Variants in NTN4 observed in about 807,000 individuals in gnomAD.
NTN4 encodes the protein netrin-4.
In NTN4, 32 loss-of-function variants were observed where a neutral mutation model predicts 73.6. That is an observed-to-expected ratio of 0.44 (90% CI 0.33 to 0.58). The LOEUF is 0.58. Among genes scored for constraint, NTN4 ranks in the 20% least tolerant of loss-of-function variants. The pLI is 0.04. For synonymous variants in NTN4, 258 were observed against 287.5 expected (o/e 0.90, Z 1.04); for missense variants, 654 against 798.3 (o/e 0.82, Z 2.18).
intron 2 of NTN4, among the ~76,000 whole-genome samples, chr12:95,773,655 C>T (rs996607373): frequency 1.2e-4 from 19 of 152,126 alleles, no homozygotes; most frequent in Admixed American, 4.6e-4. Context: ...CTTATTCGAA[C>T]GTCTCAATGA....
intron 3 of NTN4, among the ~76,000 whole-genome samples, chr12:95,735,905 TTTTATTTATTTATTTA>T (rs201591613): frequency 2.2e-4 from 22 of 101,660 alleles, no homozygotes; most frequent in East Asian, 6.4e-4. Context: ...TTTTTTAAAT[TTTTATTTATTTATTTA>T]TTTATTTATT....
At chr12:95,760,226 C>G (rs2078977126) in intron 2 of NTN4, among the ~76,000 whole-genome samples, 1 of 152,122 alleles carries the variant, frequency 6.6e-6, no homozygotes, top group South Asian at 2.1e-4. Context: ...AGGGCTCTAC[C>G]AGATGCCTGT....
At chr12:95,764,402 C>T (rs1049630503) in intron 2 of NTN4, among the ~76,000 whole-genome samples, 8 of 152,222 alleles carry the variant, frequency 5.3e-5, no homozygotes, top group East Asian at 3.9e-4. Flanking sequence ...CAGTGGCTCA[C>T]GCCTGTAATC....
chr12:95,786,579 G>A (rs909092809), intron 2 of NTN4, among the ~76,000 whole-genome samples: 1 of 151,756 alleles, frequency 6.6e-6, no homozygotes, highest in African/African-American at 2.4e-5. Flanking sequence ...GAAGATACCC[G>A]TGTGGGCTCC....
At chr12:95,788,211 G>A (rs2121311612) in intron 1 of NTN4, among the ~76,000 whole-genome samples, 1 of 152,280 alleles carries the variant, frequency 6.6e-6, no homozygotes, top group African/African-American at 2.4e-5. Flanking sequence ...TTTACATGCT[G>A]TCTCTTCAGG....
At chr12:95,662,184 TC>T (rs2078142929) in intron 9 of NTN4, among the ~76,000 whole-genome samples, 2 of 148,454 alleles carry the variant, frequency 1.3e-5, no homozygotes, top group African/African-American at 2.5e-5. Flanking sequence ...CCTAAACGTC[TC>T]CCCTCCCCTC....
At chr12:95,782,862 T>G (rs1238075700) in intron 2 of NTN4, among the ~76,000 whole-genome samples, 1 of 152,222 alleles carries the variant, frequency 6.6e-6, no homozygotes, top group African/African-American at 2.4e-5. Context: ...GAGTTACTTT[T>G]GGGCCACACT....
At position 95,690,908 on chromosome 12, in the gene NTN4, T is replaced by C. The variant is rs190473247; in HGVS notation, c.1181-7197A>G. 2.6e-5 allele frequency among the ~76,000 whole-genome samples: 4 copies of C among 152,360 alleles called. No individual in the cohort carries two copies. In the East Asian group the frequency reaches 7.7e-4, roughly 29 times the overall value. ...TCAAGCATTTCCAGGAGTTGACCTC[T>C]CCCTTCTACCATATATTTTAAAAGC... is the stretch of plus-strand genomic sequence containing the variant. On this transcript the variant is annotated intron_variant, in intron 5 of 9. Coordinates refer to ENST00000343702, the MANE Select transcript of NTN4 (RefSeq NM_021229.4).
Position 95,787,057 on chromosome 12 carries a change from G to A in NTN4, c.467C>T (p.Pro156Leu), listed in dbSNP as rs781589779. The A allele has an allele frequency of 6.2e-7, 1 of 1,614,078 alleles. No homozygotes were observed. The highest frequency in any genetic ancestry group is 8.5e-7 in the Non-Finnish European group (1 of 1,180,058). ...RSQDFGKTWKPYKYFATNCSA... is the reference protein window; with the variant it reads ...RSQDFGKTWKLYKYFATNCSA... ...GCAGTTAGTCGCAAAGTACTTATAA[G>A]GCTTCCATGTTTTCCCAAAGTCCTG... The change falls in exon 2 of 10, where the codon CCT becomes CTT. Residue 156 changes from proline to leucine, a missense_variant. Pro to Leu is a moderately conservative substitution (Grantham distance 98). Coordinates refer to ENST00000343702, the MANE Select transcript of NTN4 (RefSeq NM_021229.4).
chr12:95,696,897 C>T (rs939494645), intron 5 of NTN4, among the ~76,000 whole-genome samples: 9 of 152,152 alleles, frequency 5.9e-5, no homozygotes, highest in Non-Finnish European at 8.8e-5. Flanking sequence ...TTTCCAGGCA[C>T]GGTGGTTCAC....
At chr12:95,687,938 T>C (rs2078374354) in intron 5 of NTN4, among the ~76,000 whole-genome samples, 1 of 152,090 alleles carries the variant, frequency 6.6e-6, no homozygotes, top group Non-Finnish European at 1.5e-5. Context: ...AAGTTTAGTG[T>C]GCCTGAGTGT....
intron 3 of NTN4, among the ~76,000 whole-genome samples, chr12:95,716,427 G>C (rs2078605579): frequency 6.6e-6 from 1 of 152,174 alleles, no homozygotes. Context: ...CCAGATCACA[G>C]AACACACTAA....
chr12:95,725,528 T>C (rs940711174), intron 3 of NTN4, among the ~76,000 whole-genome samples: 4 of 152,192 alleles, frequency 2.6e-5, no homozygotes, highest in African/African-American at 7.2e-5. Context: ...AGATCCAGTC[T>C]AGTTCACGTT....
chr12:95,783,138 C>T (rs1018908032), intron 2 of NTN4, among the ~76,000 whole-genome samples: 1 of 152,150 alleles, frequency 6.6e-6, no homozygotes, highest in Non-Finnish European at 1.5e-5. Flanking sequence ...GATGCCTAGC[C>T]CCAGGCCTGT....
At position 95,731,528 on chromosome 12, in the gene NTN4, T is replaced by C. The variant is rs551213742; in HGVS notation, c.864+6338A>G. Among the ~76,000 whole-genome samples, 76 of 152,284 alleles carry C rather than the reference T, an allele frequency of 5.0e-4. No individual in the cohort carries two copies. In the South Asian group the frequency reaches 0.011, roughly 22 times the overall value. Reference sequence around the variant, plus strand: ...TTGCAGTGAGCCGAGATTGCGCCACTGTGCAACAGAGTGAGACTCTGTCTC... The same window carrying C: ...TTGCAGTGAGCCGAGATTGCGCCACCGTGCAACAGAGTGAGACTCTGTCTC... On this transcript the variant is annotated intron_variant, in intron 3 of 9. Transcript: ENST00000343702.
Position 95,769,121 on chromosome 12 carries a change from T to C in NTN4, c.585+17818A>G, listed in dbSNP as rs1056865362. On this transcript the variant is annotated intron_variant, in intron 2 of 9. Transcript: ENST00000343702. ...GGAAGAAGAACTTCCAGGGAAGTTT[T>C]AGGGCAAACTTGAGAGTGGAAAACA... 2.0e-5 allele frequency among the ~76,000 whole-genome samples: 3 copies of C among 152,278 alleles called. No individual in the cohort carries two copies. The South Asian group carries it at 6.2e-4, about 32-fold the overall frequency.
intron 2 of NTN4, among the ~76,000 whole-genome samples, chr12:95,755,958 G>A (rs2078944732): frequency 6.6e-6 from 1 of 152,060 alleles, no homozygotes; most frequent in Admixed American, 6.6e-5. Context: ...TTTGCCCTCA[G>A]GACTTGAAGT....
chr12:95,759,986 AT>A (rs2078975406), intron 2 of NTN4, among the ~76,000 whole-genome samples: 1 of 152,156 alleles, frequency 6.6e-6, no homozygotes, highest in Non-Finnish European at 1.5e-5. Context: ...GTTAGGAGTC[AT>A]ATTTTCATGC....
chr12:95,719,371 A>C (rs1159594012), intron 3 of NTN4, among the ~76,000 whole-genome samples: 1 of 152,174 alleles, frequency 6.6e-6, no homozygotes, highest in East Asian at 1.9e-4. Context: ...CCATAGAAAA[A>C]TGCCCCCTTA....
Sources: gnomAD v4.1 joint callset for allele counts (sites outside exome capture counted in the v4.1 genomes callset) on GRCh38, gnomAD v4.1.1 for gene constraint, MANE v1.5 for transcripts, NCBI Gene and HGNC (gene_info 2026-07-23, HGNC 2026-07-21) for gene names.